The following DSCAM variants were observed in gnomAD, a reference collection of about 807,000 sequenced individuals.
DSCAM encodes cell adhesion molecule DSCAM.
DSCAM carries 47 observed loss-of-function variants against 217.7 expected under a neutral mutation model. The ratio of observed to expected loss-of-function variants is 0.22; its 90% confidence interval spans 0.17 to 0.28. The LOEUF is 0.28. Among genes scored for constraint, DSCAM ranks in the 10% least tolerant of loss-of-function variants. DSCAM has a pLI of 1.00. For missense variants in DSCAM, 2,080 were observed against 2,618.3 expected (o/e 0.79, Z 4.49); for synonymous variants, 1,056 against 1,015.3 (o/e 1.04, Z -0.76).
chr21:40,054,955 T>C (rs1370444622), intron 29 of DSCAM, among the ~76,000 whole-genome samples: 2 of 152,238 alleles, frequency 1.3e-5, no homozygotes, highest in African/African-American at 4.8e-5. Flanking sequence ...ATGTGACATT[T>C]ACAGAATTCT....
In DSCAM at chr21:40,443,363, T is replaced by C. The variant is rs896721036; in HGVS notation, c.509-74118A>G. Among the ~76,000 whole-genome samples the C allele has an allele frequency of 1.2e-4, 18 of 152,218 alleles. 1 individual carries two copies. Among genetic ancestry groups the C allele is most frequent in the Admixed American group, 1.2e-3 (18 of 15,286 alleles). Reference sequence around the variant, plus strand: ...TTGAAATCCTTCTTTATTTCGGTAGTATTTTGTATCTCACAAAACTGTAAC... The same window carrying C: ...TTGAAATCCTTCTTTATTTCGGTAGCATTTTGTATCTCACAAAACTGTAAC... On this transcript the variant is annotated intron_variant, in intron 3 of 32. Coordinates refer to ENST00000400454, the MANE Select transcript of DSCAM (RefSeq NM_001389.5).
In DSCAM at chr21:40,247,145, C is replaced by T. The variant is rs184118938; in HGVS notation, c.2356+28952G>A. 1.3e-3 allele frequency among the ~76,000 whole-genome samples: 203 copies of T among 152,184 alleles called. 1 individual carries two copies. Among genetic ancestry groups the T allele is most frequent in the African/African-American group, 4.6e-3 (192 of 41,502 alleles). On this transcript the variant is annotated intron_variant, in intron 11 of 32. Coordinates refer to ENST00000400454, the MANE Select transcript of DSCAM (RefSeq NM_001389.5). ...TGATTTAATTACCTCCAGCTAAGACCCTCCCACAACACATGGGAATTCTGG... is the reference window on the plus strand; with the variant it reads ...TGATTTAATTACCTCCAGCTAAGACTCTCCCACAACACATGGGAATTCTGG...
chr21:40,214,648 G>A (rs1282855927), intron 11 of DSCAM, among the ~76,000 whole-genome samples: 1 of 150,068 alleles, frequency 6.7e-6, no homozygotes, highest in East Asian at 2.0e-4. Flanking sequence ...GGTAAAGGGT[G>A]GAAAAAGAGA....
chr21:40,658,492 T>C (rs2090100493), intron 3 of DSCAM, among the ~76,000 whole-genome samples: 1 of 152,196 alleles, frequency 6.6e-6, no homozygotes. Flanking sequence ...CACAGTGAGC[T>C]GAGAAGAAAT....
intron 4 of DSCAM, among the ~76,000 whole-genome samples, chr21:40,355,572 A>G (rs2074682952): frequency 6.6e-6 from 1 of 152,232 alleles, no homozygotes; most frequent in Admixed American, 6.5e-5. Flanking sequence ...CGTAAAACTC[A>G]GTGTTCTCAC....
intron 3 of DSCAM, among the ~76,000 whole-genome samples, chr21:40,379,210 T>C (rs1190999301): frequency 1.3e-5 from 2 of 152,162 alleles, no homozygotes; most frequent in Admixed American, 6.5e-5. Flanking sequence ...GGAGAAATTA[T>C]GTTTCATTTC....
At position 40,064,897 on chromosome 21, in the gene DSCAM, G is replaced by A. The variant is rs147479186; in HGVS notation, c.4889-1998C>T. The stretch of plus-strand genomic sequence containing the variant: ...GGAAAAAGGAGGGCAGAGGTGGGTG[G>A]TGGATGGGTGTGGGTGCTGTGAACT... On this transcript the variant is annotated intron_variant, in intron 27 of 32. Coordinates refer to ENST00000400454, the MANE Select transcript of DSCAM (RefSeq NM_001389.5). Among the ~76,000 whole-genome samples the A allele has an allele frequency of 1.9e-3, 285 of 152,292 alleles. 2 individuals carry two copies. The highest frequency in any genetic ancestry group is 0.014 in the Middle Eastern group (4 of 294).
chr21:40,113,867 A>G (rs903090097), intron 20 of DSCAM, among the ~76,000 whole-genome samples: 1 of 152,112 alleles, frequency 6.6e-6, no homozygotes, highest in Non-Finnish European at 1.5e-5. Flanking sequence ...GATGTGAAGG[A>G]CCTCTTCAAG....
intron 3 of DSCAM, among the ~76,000 whole-genome samples, chr21:40,523,336 C>T (rs1016284946): frequency 1.1e-4 from 16 of 152,122 alleles, no homozygotes; most frequent in African/African-American, 3.9e-4. Context: ...CTATAAAAAC[C>T]CCGAGACTCT....
At chr21:40,039,310 A>C (rs1601256749) in intron 32 of DSCAM, among the ~76,000 whole-genome samples, 2 of 91,680 alleles carry the variant, frequency 2.2e-5, no homozygotes, top group Admixed American at 2.2e-4. Flanking sequence ...AATAAAAATC[A>C]AAAAAAAAAA....
chr21:40,189,175 A>G lies in DSCAM; in HGVS notation c.2420T>C (p.Met807Thr). The G allele has an allele frequency of 6.2e-7, 1 of 1,612,540 alleles. No individual in the cohort carries two copies. The highest frequency in any genetic ancestry group is 1.1e-5 in the South Asian group (1 of 90,832). ...TLATQGQKKE[M>T]SCTAHGEKPI... Reference sequence around the variant, plus strand: ...CTTCTCACCATGCGCCGTGCAGCTCATCTCCTTTTTCTGCCCCTGCGTGGC... The same window carrying G: ...CTTCTCACCATGCGCCGTGCAGCTCGTCTCCTTTTTCTGCCCCTGCGTGGC... Residue 807 changes from methionine to threonine, a missense_variant, in exon 12 of 33, where the codon ATG becomes ACG. By Grantham distance (81) the Met-to-Thr change is moderately conservative. Around this residue, in one of 5 missense-constraint regions of DSCAM, gnomAD observed 1,144 missense variants for 1,421.1 expected, o/e 0.81. Coordinates refer to ENST00000400454, the MANE Select transcript of DSCAM (RefSeq NM_001389.5).
intron 10 of DSCAM, among the ~76,000 whole-genome samples, chr21:40,286,254 C>A (rs889373150): frequency 6.6e-6 from 1 of 152,166 alleles, no homozygotes; most frequent in African/African-American, 2.4e-5. Context: ...AATGCAGAGA[C>A]CCAATTTCTC....
chr21:40,575,561 T>C (rs544944774), intron 3 of DSCAM, among the ~76,000 whole-genome samples: 1 of 152,260 alleles, frequency 6.6e-6, no homozygotes, highest in East Asian at 1.9e-4. Context: ...TCATAAATAA[T>C]ATTGTAAGAA....
chr21:40,202,198 A>AC (rs1049700379), intron 11 of DSCAM, among the ~76,000 whole-genome samples: 1 of 151,830 alleles, frequency 6.6e-6, no homozygotes. Context: ...GGTGGATTCC[A>AC]CCCCCGCCAC....
rs1429211697 is a variant in DSCAM at position 40,400,970 on chromosome 21, G to A, written c.509-31725C>T. 2.6e-5 allele frequency among the ~76,000 whole-genome samples: 4 copies of A among 152,164 alleles called. No homozygotes were observed. In the East Asian group the frequency reaches 7.7e-4, roughly 29 times the overall value. ...TCATCACAAAAGTTCTTTAAATATT[G>A]GGAGGCTGTCAAGTACATAATGGTG... is the stretch of plus-strand genomic sequence containing the variant. On this transcript the variant is annotated intron_variant, in intron 3 of 32. Transcript: ENST00000400454.
chr21:40,804,236 C>T (rs966180787), intron 1 of DSCAM, among the ~76,000 whole-genome samples: 1 of 152,174 alleles, frequency 6.6e-6, no homozygotes, highest in Non-Finnish European at 1.5e-5. Context: ...GGTTCAGAAT[C>T]AGGGGAGCAC....
chr21:40,245,941 C>T (rs1200715321), intron 11 of DSCAM, among the ~76,000 whole-genome samples: 1 of 152,104 alleles, frequency 6.6e-6, no homozygotes, highest in Admixed American at 6.6e-5. Flanking sequence ...AGGGAAGTCC[C>T]TTCTGTTTTA....
Position 40,246,560 on chromosome 21 carries a change from C to A in DSCAM, c.2356+29537G>T, listed in dbSNP as rs188179598. ...TATATCAAAGAAAAAAAAAAAGAGG[C>A]CCCAGGAGAGCAGGATCTTGGGGTG... On this transcript the variant is annotated intron_variant, in intron 11 of 32. Transcript: ENST00000400454. Among the ~76,000 whole-genome samples the A allele has an allele frequency of 3.3e-5, 5 of 150,692 alleles. No individual in the cohort carries two copies. In the East Asian group the frequency reaches 7.8e-4, roughly 24 times the overall value.
At chr21:40,618,157 TAAG>T (rs2089429835) in intron 3 of DSCAM, among the ~76,000 whole-genome samples, 2 of 150,876 alleles carry the variant, frequency 1.3e-5, no homozygotes, top group Admixed American at 6.6e-5. Flanking sequence ...GCATCTCTGA[TAAG>T]AAGAAAATTG....
Sources: gnomAD v4.1 joint callset for allele counts (sites outside exome capture counted in the v4.1 genomes callset) on GRCh38, gnomAD v4.1.1 for gene constraint, gnomAD v4.1.1 regional missense constraint, MANE v1.5 for transcripts, NCBI Gene and HGNC (gene_info 2026-07-23, HGNC 2026-07-21) for gene names.